Variants in CACNA1I observed in about 807,000 individuals in gnomAD.
CACNA1I encodes calcium voltage-gated channel subunit alpha1 I, also known as voltage-dependent T-type calcium channel subunit alpha-1I.
A neutral mutation model predicts 201.6 loss-of-function variants in CACNA1I; 74 were observed. The observed-to-expected ratio is 0.37, with a 90% CI of 0.30 to 0.45. CACNA1I has a LOEUF of 0.45. Ranked by LOEUF, CACNA1I falls within the 20% of genes least tolerant of loss-of-function variation. The pLI, the probability that CACNA1I is intolerant of heterozygous loss-of-function variation, is 1.00. For missense variants in CACNA1I, 2,346 were observed against 3,138.1 expected, an observed-to-expected ratio of 0.75 and a Z score of 6.03; for synonymous variants, 1,431 against 1,345.2, an observed-to-expected ratio of 1.06 and a Z score of -1.40.
At position 39,648,473 on chromosome 22, in the gene CACNA1I, C is replaced by G. The variant is rs149591682; in HGVS notation, c.1567+547C>G. On this transcript the variant is annotated intron_variant, in intron 9 of 36. Transcript: ENST00000402142. This position sits in a 1 kb window ranked among gnomAD's most constrained non-coding sequence, Gnocchi z 5.4. ...AAAACGAGAGTTGGCTGTCGCCCCA[C>G]GTCCAGGTGGGAGCAGTGAGCCGGC... Among the ~76,000 whole-genome samples the G allele has an allele frequency of 6.6e-6, 1 of 152,042 alleles. No individual in the cohort carries two copies. Among genetic ancestry groups the G allele is most frequent in the Admixed American group, 6.6e-5 (1 of 15,266 alleles).
chr22:39,672,150 T>C (rs746119219), intron 26 of CACNA1I, 49 bp from the exon 27 acceptor site: 2 of 1,194,844 alleles, frequency 1.7e-6, no homozygotes, highest in Non-Finnish European at 2.5e-6. Flanking sequence ...AGGAAGGTTG[T>C]GGAGCAGGTC....
At chr22:39,622,361 G>A (rs1450726822) in intron 4 of CACNA1I, among the ~76,000 whole-genome samples, 1 of 151,426 alleles carries the variant, frequency 6.6e-6, no homozygotes, top group Non-Finnish European at 1.5e-5. Context: ...GGGGAGGATG[G>A]GGATTGAGTA....
intron 31 of CACNA1I, 67 bp downstream of exon 31, chr22:39,678,175 C>T: frequency 6.5e-7 from 1 of 1,543,754 alleles, no homozygotes; most frequent in Non-Finnish European, 8.8e-7. Flanking sequence ...GCTGGTCCTG[C>T]TGCTCAGGGC....
In CACNA1I at chr22:39,658,995, C is replaced by T; in HGVS notation, c.2209C>T (p.Arg737Cys). The T allele has an allele frequency of 1.2e-6, 2 of 1,609,660 alleles. No homozygotes were observed. The highest frequency in any genetic ancestry group is 8.5e-7 in the Non-Finnish European group (1 of 1,178,736). ...LSVLRTFRLL[R>C]VLKLVRFMPA... ...GGTGCTGCGGACCTTCCGGCTGCTG[C>T]GCGTGCTGAAACTGGTGCGCTTCAT... is the stretch of plus-strand genomic sequence containing the variant. The change falls in exon 12 of 37, where the codon CGC becomes TGC. Residue 737 changes from arginine (R) to cysteine (C), a missense_variant. Physicochemically the swap from Arg to Cys is radical, Grantham distance 180 (BLOSUM62 -3). Around this residue, in one of 13 missense-constraint regions of CACNA1I, gnomAD observed 155 missense variants for 300.8 expected, o/e 0.52. Transcript: ENST00000402142.
chr22:39,656,707 G>A (rs1044737526), intron 10 of CACNA1I: 5 of 518,936 alleles, frequency 9.6e-6, no homozygotes, highest in African/African-American at 9.6e-5. Flanking sequence ...TAACGGGAGA[G>A]CAGTTTGGAG....
intron 1 of CACNA1I, among the ~76,000 whole-genome samples, chr22:39,577,521 G>A (rs132567): frequency 0.76 from 115,164 of 152,172 alleles, 44,943 homozygotes; most frequent in African/African-American, 0.91. Context: ...CGAAGGAGGG[G>A]ATGGCTCGTG....
rs1426898163 is a variant in CACNA1I, at chr22:39,675,106, C to T, written c.4854+1073C>T. On this transcript the variant is annotated intron_variant, in intron 29 of 36. Coordinates refer to ENST00000402142, the MANE Select transcript of CACNA1I (RefSeq NM_021096.4). ...GCCGACAGGAAGTAGATTGGAGCCC[C>T]GGCTTGGGCCATAATGCTTGAGAGC... Among the ~76,000 whole-genome samples the T allele has an allele frequency of 9.2e-5, 14 of 152,330 alleles. 1 individual carries two copies. Among genetic ancestry groups the T allele is most frequent in the Admixed American group, 6.5e-4 (10 of 15,292 alleles).
intron 10 of CACNA1I, among the ~76,000 whole-genome samples, chr22:39,653,830 C>T (rs1366478089): frequency 6.6e-6 from 1 of 152,202 alleles, no homozygotes; most frequent in Non-Finnish European, 1.5e-5. Context: ...CTCATGGCAG[C>T]AGATGCTGTT....
chr22:39,679,657 C>A, intron 32 of CACNA1I, 65 bp from the exon 33 acceptor site: 2 of 1,461,958 alleles, frequency 1.4e-6, no homozygotes, highest in South Asian at 1.3e-5. Flanking sequence ...GTGTCCTGCC[C>A]ACCCCACAGC....
Position 39,649,649 on chromosome 22 carries a change from G to C in CACNA1I, c.1716G>C (p.Ser572=). 6.6e-7 allele frequency: 1 copy of C among 1,515,370 alleles called. No homozygotes were observed. Among genetic ancestry groups the C allele is most frequent in the Non-Finnish European group, 8.9e-7 (1 of 1,128,850 alleles). 93.9% of individuals were successfully genotyped at this position (1,515,370 alleles called of 1,614,324 possible). A position where few individuals can be genotyped will look rare whatever the true frequency, so the allele number is the denominator to read the frequency against. The change falls in exon 10 of 37, where the codon TCG becomes TCC. Residue 572 remains serine, a synonymous_variant. Coordinates refer to ENST00000402142, the MANE Select transcript of CACNA1I (RefSeq NM_021096.4). The surrounding 1 kb of genome is among the most constrained non-coding windows in gnomAD (Gnocchi z 7.3). ...RRPSGLGSTD[S]GQEGSGSGSS... is the part of the protein sequence containing the mutation. The stretch of plus-strand genomic sequence containing the variant: ...CCTCGGGCCTGGGCAGCACCGACTC[G>C]GGCCAGGAGGGCTCGGGCTCCGGGA...
intron 2 of CACNA1I, 134 bp downstream of exon 2, chr22:39,598,396 C>G: frequency 3.2e-6 from 2 of 625,648 alleles, no homozygotes; most frequent in South Asian, 3.6e-5. Context: ...CGCTCCGTGC[C>G]CTTCCCCATC....
chr22:39,615,597 C>T (rs980341381), intron 3 of CACNA1I, among the ~76,000 whole-genome samples: 1 of 152,154 alleles, frequency 6.6e-6, no homozygotes, highest in East Asian at 1.9e-4. Context: ...TCCTCCCTCC[C>T]AACTAAGTGC....
At chr22:39,603,102 G>A (rs1933115191) in intron 3 of CACNA1I, among the ~76,000 whole-genome samples, 1 of 150,888 alleles carries the variant, frequency 6.6e-6, no homozygotes, top group African/African-American at 2.5e-5. Flanking sequence ...GCTGCAGTGA[G>A]CAGTGATCGT....
At chr22:39,598,313 C>G in intron 2 of CACNA1I, 51 bp downstream of exon 2, 1 of 999,098 alleles carries the variant, frequency 1.0e-6, no homozygotes, top group Non-Finnish European at 1.5e-6. Context: ...CTCCAGGACC[C>G]GGCCTATGCC....
chr22:39,639,038 A>G (rs1480730169), intron 5 of CACNA1I, among the ~76,000 whole-genome samples: 1 of 152,216 alleles, frequency 6.6e-6, no homozygotes, highest in Non-Finnish European at 1.5e-5. Flanking sequence ...CCTGCTTTAG[A>G]TAGTTACCTC....
At chr22:39,635,619 A>T (rs991762276) in intron 5 of CACNA1I, among the ~76,000 whole-genome samples, 1 of 152,098 alleles carries the variant, frequency 6.6e-6, no homozygotes, top group African/African-American at 2.4e-5. Flanking sequence ...CAGCAGGGGC[A>T]CCTTGGTGGG....
rs1372542445 is a variant in CACNA1I, at chr22:39,629,601, G to A, written c.581-4964G>A. On this transcript the variant is annotated intron_variant, in intron 4 of 36. Coordinates refer to ENST00000402142, the MANE Select transcript of CACNA1I (RefSeq NM_021096.4). The surrounding 1 kb of genome is among the most constrained non-coding windows in gnomAD (Gnocchi z 4.8). ...AAGGCCCAATCATCAGGCCGTGAGG[G>A]TGGTGGAGAGGGCCCAGTGTCTGGC... Among the ~76,000 whole-genome samples, 1 of 152,180 alleles carries A rather than the reference G, an allele frequency of 6.6e-6. No homozygotes were observed. The highest frequency in any genetic ancestry group is 6.5e-5 in the Admixed American group (1 of 15,286).
intron 1 of CACNA1I, among the ~76,000 whole-genome samples, chr22:39,587,996 G>C (rs1348837634): frequency 6.6e-6 from 1 of 152,080 alleles, no homozygotes; most frequent in African/African-American, 2.4e-5. Flanking sequence ...GGCTGGTCTT[G>C]AATTCCTGGC....
At chr22:39,578,512 C>A (rs1932435983) in intron 1 of CACNA1I, among the ~76,000 whole-genome samples, 1 of 152,148 alleles carries the variant, frequency 6.6e-6, no homozygotes, top group African/African-American at 2.4e-5. Context: ...CTCCTCCTCC[C>A]CTGCTCTGCA....
Sources: allele counts gnomAD v4.1 joint callset (sites outside exome capture counted in the v4.1 genomes callset), GRCh38; gene constraint gnomAD v4.1.1; regional missense constraint gnomAD v4.1.1; non-coding constraint Gnocchi (gnomAD v3.1); transcripts MANE v1.5; gene names NCBI Gene and HGNC (gene_info 2026-07-23, HGNC 2026-07-21).